The following SEMA5A variants were observed in gnomAD, a reference collection of about 807,000 sequenced individuals.
The protein encoded by SEMA5A is semaphorin 5A.
Under a neutral mutation model 135.5 loss-of-function variants are expected in SEMA5A, and 55 were observed. The observed-to-expected ratio is 0.41, with a 90% CI of 0.33 to 0.51. SEMA5A has a LOEUF of 0.51. Among genes scored for constraint, SEMA5A ranks in the 20% least tolerant of loss-of-function variants. The pLI is 0.37. For synonymous variants in SEMA5A, 580 were observed against 546.5 expected (o/e 1.06, Z -0.85); for missense variants, 1,290 against 1,419.9 (o/e 0.91, Z 1.47).
chr5:9,424,628 A>G (rs1757580358), intron 2 of SEMA5A, among the ~76,000 whole-genome samples: 1 of 152,168 alleles, frequency 6.6e-6, no homozygotes, highest in Non-Finnish European at 1.5e-5. Flanking sequence ...TTGCCCTAGA[A>G]GAACTGTTGC....
At chr5:9,104,138 C>T (rs1311180174) in intron 16 of SEMA5A, among the ~76,000 whole-genome samples, 1 of 152,182 alleles carries the variant, frequency 6.6e-6, no homozygotes, top group Admixed American at 6.5e-5. Flanking sequence ...TTCTCAAATG[C>T]TGGTCCAGTC....
chr5:9,497,084 G>A (rs1298318632), intron 1 of SEMA5A, among the ~76,000 whole-genome samples: 8 of 152,168 alleles, frequency 5.3e-5, no homozygotes, highest in African/African-American at 1.7e-4. Flanking sequence ...TCACATGGTA[G>A]CATTTTTCTC....
chr5:9,063,779 G>A (rs1019242503), intron 17 of SEMA5A, among the ~76,000 whole-genome samples: 2 of 152,188 alleles, frequency 1.3e-5, no homozygotes, highest in African/African-American at 4.8e-5. Context: ...GCAGCAGCAG[G>A]TGGGCTGTGG....
At chr5:9,417,216 A>G (rs1757312536) in intron 2 of SEMA5A, among the ~76,000 whole-genome samples, 4 of 152,260 alleles carry the variant, frequency 2.6e-5, no homozygotes, top group Admixed American at 2.6e-4. Flanking sequence ...GTTTTACTAG[A>G]ATAAATAAAA....
At chr5:9,423,534 TAATGGCCAGTGC>T (rs1757542483) in intron 2 of SEMA5A, among the ~76,000 whole-genome samples, 1 of 152,232 alleles carries the variant, frequency 6.6e-6, no homozygotes, top group Admixed American at 6.5e-5. Flanking sequence ...CAGGGAATCC[TAATGGCCAGTGC>T]CAAATCTTGT....
At chr5:9,273,461 A>G (rs1009581074) in intron 5 of SEMA5A, among the ~76,000 whole-genome samples, 1 of 152,184 alleles carries the variant, frequency 6.6e-6, no homozygotes, top group Non-Finnish European at 1.5e-5. Flanking sequence ...AAGGCAGGCC[A>G]ACATTCAAAT....
chr5:9,064,714 G>A (rs1038784896), intron 17 of SEMA5A, among the ~76,000 whole-genome samples: 14 of 152,132 alleles, frequency 9.2e-5, no homozygotes, highest in African/African-American at 2.2e-4. Context: ...GCAACAGAGC[G>A]AGACCCTGTC....
At chr5:9,451,292 G>A (rs1295606883) in intron 1 of SEMA5A, among the ~76,000 whole-genome samples, 1 of 152,134 alleles carries the variant, frequency 6.6e-6, no homozygotes, top group Non-Finnish European at 1.5e-5. Context: ...GTAAATGCTT[G>A]GGAAATTAAA....
At chr5:9,463,498 G>T (rs547313178) in intron 1 of SEMA5A, among the ~76,000 whole-genome samples, 1 of 151,900 alleles carries the variant, frequency 6.6e-6, no homozygotes, top group African/African-American at 2.4e-5. Flanking sequence ...CTAAAGAAAA[G>T]GGGCCTTTAT....
intron 10 of SEMA5A, among the ~76,000 whole-genome samples, chr5:9,196,326 C>T (rs73044750): frequency 1.3e-5 from 2 of 152,162 alleles, no homozygotes; most frequent in African/African-American, 2.4e-5. Flanking sequence ...GGTGCCCTTA[C>T]AAAACAGGAA....
rs990098794 is a variant in SEMA5A at position 9,482,303 on chromosome 5, A to G, written c.-174-44451T>C. 5.3e-5 allele frequency among the ~76,000 whole-genome samples: 8 copies of G among 152,208 alleles called. No homozygotes were observed. The South Asian group carries it at 8.3e-4, about 16-fold the overall frequency. ...AAAAATATCTTATTAACTCAGCACA[A>G]TTATGGGGTCTGAGATCAGAGGAAC... On this transcript the variant is annotated intron_variant, in intron 1 of 22. Coordinates refer to ENST00000382496, the MANE Select transcript of SEMA5A (RefSeq NM_003966.3).
chr5:9,210,446 T>G (rs182906387), intron 8 of SEMA5A, among the ~76,000 whole-genome samples: 1 of 152,332 alleles, frequency 6.6e-6, no homozygotes, highest in Admixed American at 6.5e-5. Flanking sequence ...ACAGCCCCAG[T>G]TTATTGCACC....
intron 5 of SEMA5A, among the ~76,000 whole-genome samples, chr5:9,315,979 G>A (rs948811770): frequency 2.6e-5 from 4 of 152,000 alleles, no homozygotes; most frequent in Non-Finnish European, 5.9e-5. Flanking sequence ...TGCCTAAATC[G>A]ATTTTTAGTA....
chr5:9,241,838 C>A (rs1748215110), intron 5 of SEMA5A, among the ~76,000 whole-genome samples: 2 of 152,114 alleles, frequency 1.3e-5, no homozygotes, highest in South Asian at 4.1e-4. Flanking sequence ...TGTATTATCA[C>A]ACTCCACCGC....
In SEMA5A at chr5:9,119,133, C is replaced by A. The variant is rs1487398504; in HGVS notation, c.1790G>T (p.Gly597Val). 3 of 1,613,428 alleles carry A rather than the reference C, an allele frequency of 1.9e-6. No homozygotes were observed. Among genetic ancestry groups the A allele is most frequent in the Non-Finnish European group, 2.5e-6 (3 of 1,179,848 alleles). Reference protein sequence around the residue: ...MEIANCSRNGGWTPWTSWSPC... With the variant: ...MEIANCSRNGVWTPWTSWSPC... ...AGACCACGAGGTCCAGGGAGTCCAG[C>A]CTCCGTTCCTGAGGGAAGGGAAGCA... The change falls in exon 15 of 23, where the codon GGC becomes GTC. Residue 597 changes from glycine to valine, a missense_variant. Coordinates refer to ENST00000382496, the MANE Select transcript of SEMA5A (RefSeq NM_003966.3).
rs1222895924 is a variant in SEMA5A at position 9,109,027 on chromosome 5, AATTTTTTTTTTTTT to A, written c.1926-754_1926-741del. ...ATCATGAGTCATATTATTTCTCTTC[AATTTTTTTTTTTTT>A]TTTTTTTTTTTTTTTTTGAGACGGA... On this transcript the variant is annotated intron_variant, in intron 15 of 22. Transcript: ENST00000382496. Among the ~76,000 whole-genome samples, 3 of 118,928 alleles carry A rather than the reference AATTTTTTTTTTTTT, an allele frequency of 2.5e-5. No individual in the cohort carries two copies. The Admixed American group carries it at 2.9e-4, about 11-fold the overall frequency. 78.0% of individuals were successfully genotyped at this position (118,928 alleles called of 152,430 possible).
rs190061959 is a variant in SEMA5A, at chr5:9,420,672, A to G, written c.-78+17084T>C. 2.7e-3 allele frequency among the ~76,000 whole-genome samples: 406 copies of G among 152,266 alleles called. 3 individuals are homozygous for G. The highest frequency in any genetic ancestry group is 9.6e-3 in the African/African-American group (397 of 41,538). ...TTAGACAATAGGAAGGCTCTCTGAC[A>G]GTCTTACTTGTCACCAGGCCTCTGC... On this transcript the variant is annotated intron_variant, in intron 2 of 22. Coordinates refer to ENST00000382496, the MANE Select transcript of SEMA5A (RefSeq NM_003966.3).
At chr5:9,246,487 G>A (rs1805952) in intron 5 of SEMA5A, among the ~76,000 whole-genome samples, 118,025 of 152,068 alleles carry the variant, frequency 0.78, 46,604 homozygotes, top group Non-Finnish European at 0.87. Context: ...TGCCATCCAA[G>A]TACCACAATA....
chr5:9,203,298 A>G (rs1421858129), intron 8 of SEMA5A, among the ~76,000 whole-genome samples: 1 of 152,222 alleles, frequency 6.6e-6, no homozygotes, highest in Admixed American at 6.5e-5. Context: ...AATTAATGGA[A>G]AGATACAGAC....
Sources: gnomAD v4.1 joint callset for allele counts (sites outside exome capture counted in the v4.1 genomes callset) on GRCh38, gnomAD v4.1.1 for gene constraint, MANE v1.5 for transcripts, NCBI Gene and HGNC (gene_info 2026-07-23, HGNC 2026-07-21) for gene names.